CNTNAP2: variants seen among roughly 807,000 people sequenced by gnomAD.
CNTNAP2 encodes contactin associated protein 2.
Under a neutral mutation model 155.2 loss-of-function variants are expected in CNTNAP2, and 98 were observed. That is an observed-to-expected ratio of 0.63 (90% confidence interval 0.54 to 0.75). The LOEUF (loss-of-function observed/expected upper bound fraction) is 0.75. Ranked by LOEUF, CNTNAP2 falls within the 30% of genes least tolerant of loss-of-function variation. The probability of loss-of-function intolerance (pLI) is 0.00; values close to 1 mark genes in which losing one functional copy is unlikely to be tolerated. For synonymous variants in CNTNAP2, 651 were observed against 631.2 expected (o/e 1.03, Z -0.47); for missense variants, 1,727 against 1,688.1 (o/e 1.02, Z -0.40).
At chr7:146,591,819 A>C (rs1798788125) in intron 1 of CNTNAP2, among the ~76,000 whole-genome samples, 1 of 152,154 alleles carries the variant, frequency 6.6e-6, no homozygotes, top group Admixed American at 6.6e-5. Flanking sequence ...GTCCTGCCTG[A>C]GTCCTGTTTC....
intron 8 of CNTNAP2, among the ~76,000 whole-genome samples, chr7:147,243,738 C>G (rs1216106048): frequency 1.3e-5 from 2 of 152,150 alleles, no homozygotes; most frequent in Non-Finnish European, 2.9e-5. Context: ...AATTTTGATA[C>G]ATTTTATCCA....
chr7:146,557,546 A>G (rs1300868415), intron 1 of CNTNAP2, among the ~76,000 whole-genome samples: 1 of 152,098 alleles, frequency 6.6e-6, no homozygotes, highest in Non-Finnish European at 1.5e-5. Flanking sequence ...TTCAGGGCTG[A>G]TAAGAGGCCC....
At chr7:147,292,735 G>A (rs1365704829) in intron 8 of CNTNAP2, among the ~76,000 whole-genome samples, 1 of 151,590 alleles carries the variant, frequency 6.6e-6, no homozygotes, top group African/African-American at 2.4e-5. Flanking sequence ...CCATCCCTAA[G>A]ATTCTACGTA....
chr7:147,925,150 AGAGAGAAGGAAGGAAG>A lies in CNTNAP2; in HGVS notation c.2255+21432_2255+21447del, dbSNP rs1250690108. 5.2e-5 allele frequency among the ~76,000 whole-genome samples: 4 copies of A among 76,502 alleles called. No homozygotes were observed. The East Asian group carries it at 1.4e-3, about 26-fold the overall frequency. The allele number at this position is 76,502 out of a possible 152,430, so 50.2% of individuals were successfully genotyped here. On this transcript the variant is annotated intron_variant, in intron 14 of 23. Coordinates refer to ENST00000361727, the MANE Select transcript of CNTNAP2 (RefSeq NM_014141.6). The stretch of plus-strand genomic sequence containing the variant: ...AGAAAGAGAGAAGAGAGAGAGAGAG[AGAGAGAAGGAAGGAAG>A]GAAGGAAGGAAGGAAGGAAGGAAGG...
At chr7:148,049,999 T>C (rs1381440969) in intron 15 of CNTNAP2, among the ~76,000 whole-genome samples, 1 of 151,904 alleles carries the variant, frequency 6.6e-6, no homozygotes, top group Non-Finnish European at 1.5e-5. Context: ...CTCATCTCCA[T>C]GAAAAATACA....
At chr7:147,225,947 G>A (rs772834202) in intron 8 of CNTNAP2, among the ~76,000 whole-genome samples, 9 of 150,474 alleles carry the variant, frequency 6.0e-5, no homozygotes, top group Non-Finnish European at 8.9e-5. Flanking sequence ...AGGAAGGAAA[G>A]GAAGAAAGAG....
At chr7:148,022,712 TG>T (rs1238087948) in intron 15 of CNTNAP2, among the ~76,000 whole-genome samples, 1 of 75,462 alleles carries the variant, frequency 1.3e-5, no homozygotes, top group Non-Finnish European at 2.4e-5. Flanking sequence ...TTTGTTTGGT[TG>T]GTTTTTTTTT....
chr7:146,670,941 G>A (rs780472053), intron 1 of CNTNAP2, among the ~76,000 whole-genome samples: 1 of 152,094 alleles, frequency 6.6e-6, no homozygotes, highest in Non-Finnish European at 1.5e-5. Flanking sequence ...TTAATATTAA[G>A]TTTAATTATA....
At chr7:148,246,828 A>G (rs920063898) in intron 20 of CNTNAP2, among the ~76,000 whole-genome samples, 28 of 152,230 alleles carry the variant, frequency 1.8e-4, no homozygotes, top group African/African-American at 6.8e-4. Context: ...AAAAATAAAC[A>G]CAAGATTAGG....
chr7:147,036,209 A>C (rs1916943), intron 3 of CNTNAP2, among the ~76,000 whole-genome samples: 8 of 151,940 alleles, frequency 5.3e-5, no homozygotes, highest in Admixed American at 5.2e-4. Context: ...AATATGGGAC[A>C]GAGGAGCATG....
intron 4 of CNTNAP2, among the ~76,000 whole-genome samples, chr7:147,079,202 G>A (rs369135935): frequency 1.3e-5 from 2 of 152,054 alleles, no homozygotes; most frequent in South Asian, 4.1e-4. Context: ...ACTGTGCTAC[G>A]AGGTAGATGT....
intron 9 of CNTNAP2, among the ~76,000 whole-genome samples, chr7:147,389,179 G>A (rs1796669736): frequency 1.3e-5 from 2 of 152,020 alleles, no homozygotes; most frequent in Admixed American, 6.5e-5. Context: ...GAGATTAGTA[G>A]ACATTTTGTT....
chr7:146,123,428 G>A (rs1584760003), intron 1 of CNTNAP2, among the ~76,000 whole-genome samples: 1 of 152,152 alleles, frequency 6.6e-6, no homozygotes, highest in Non-Finnish European at 1.5e-5. Flanking sequence ...ATCTGGAAAT[G>A]TGAATCATAG....
intron 3 of CNTNAP2, among the ~76,000 whole-genome samples, chr7:146,899,573 G>C (rs1795950615): frequency 6.6e-6 from 1 of 152,094 alleles, no homozygotes; most frequent in African/African-American, 2.4e-5. Flanking sequence ...CTAACAACTT[G>C]TAATAAAACA....
intron 6 of CNTNAP2, chr7:147,121,592 A>G (rs1481344274): frequency 6.1e-6 from 1 of 163,390 alleles, no homozygotes; most frequent in Non-Finnish European, 1.3e-5. Flanking sequence ...TCATTTAGAA[A>G]CTCATGACTG....
chr7:146,620,876 A>G (rs2129156321), intron 1 of CNTNAP2, among the ~76,000 whole-genome samples: 1 of 152,292 alleles, frequency 6.6e-6, no homozygotes, highest in Middle Eastern at 3.4e-3. Flanking sequence ...ATATTTTGAA[A>G]CCAAGTAATT....
chr7:146,454,161 G>A (rs1347222434), intron 1 of CNTNAP2, among the ~76,000 whole-genome samples: 1 of 152,102 alleles, frequency 6.6e-6, no homozygotes, highest in Non-Finnish European at 1.5e-5. Flanking sequence ...TCAACATAGT[G>A]ACATACACAA....
At chr7:147,775,972 A>C (rs1253972675) in intron 13 of CNTNAP2, among the ~76,000 whole-genome samples, 1 of 152,198 alleles carries the variant, frequency 6.6e-6, no homozygotes, top group Admixed American at 6.5e-5. Flanking sequence ...CATGTGCAAA[A>C]TCAAGCTCTG....
At chr7:146,640,936 A>G (rs1353288708) in intron 1 of CNTNAP2, among the ~76,000 whole-genome samples, 1 of 152,236 alleles carries the variant, frequency 6.6e-6, no homozygotes, top group Non-Finnish European at 1.5e-5. Context: ...GGGTCTATCT[A>G]TTAATGCTTG....
Sources: allele counts gnomAD v4.1 joint callset (sites outside exome capture counted in the v4.1 genomes callset), GRCh38; gene constraint gnomAD v4.1.1; transcripts MANE v1.5; gene names NCBI Gene and HGNC (gene_info 2026-07-23, HGNC 2026-07-21).